The following DEFB114 variants were observed in gnomAD, a reference collection of about 807,000 sequenced individuals.
DEFB114 encodes beta-defensin 114.
In DEFB114, 4 loss-of-function variants were observed where a neutral mutation model predicts 2.4. That is an observed-to-expected ratio of 1.67 (90% CI 0.82 to 3.82). The LOEUF is 3.82. Ranked by LOEUF, DEFB114 falls within the 30% of genes most tolerant of loss-of-function variation. DEFB114 has a pLI of 0.01. For missense variants in DEFB114, 113 were observed against 85.8 expected (o/e 1.32, Z -1.25); for synonymous variants, 35 against 24.6 (o/e 1.42, Z -1.26).
At chr6:49,961,785 T>A (rs1773464789) in intron 1 of DEFB114, among the ~76,000 whole-genome samples, 2 of 150,766 alleles carry the variant, frequency 1.3e-5, no homozygotes, top group Non-Finnish European at 3.0e-5. Context: ...TACTATTCCT[T>A]TCACTCTTTC....
intron 1 of DEFB114, among the ~76,000 whole-genome samples, chr6:49,961,691 TG>T (rs1773463264): frequency 1.3e-5 from 2 of 150,570 alleles, no homozygotes; most frequent in African/African-American, 4.9e-5. Context: ...CAGCTAAGAG[TG>T]TTATTAAACA....
chr6:49,961,949 A>G (rs183009259), intron 1 of DEFB114, among the ~76,000 whole-genome samples: 4 of 150,954 alleles, frequency 2.6e-5, no homozygotes, highest in Admixed American at 1.3e-4. Context: ...TTGTATAACT[A>G]TAATTCTTCC....
intron 1 of DEFB114, among the ~76,000 whole-genome samples, chr6:49,961,391 T>A (rs1304828132): frequency 1.3e-5 from 2 of 150,770 alleles, no homozygotes; most frequent in African/African-American, 4.8e-5. Context: ...TTCTTTTAAA[T>A]GATTAAATAA....
At chr6:49,963,816 A>C (rs1413601155) in intron 1 of DEFB114, among the ~76,000 whole-genome samples, 1 of 149,934 alleles carries the variant, frequency 6.7e-6, no homozygotes, top group East Asian at 1.9e-4. Context: ...CAGTCCAAAA[A>C]AATTGAAAGA....
Position 49,964,054 on chromosome 6 carries a change from G to C in DEFB114, c.52C>G (p.Pro18Ala). ...HFLCYVTFIL[P>A]ATCTLVNADR... ...ATAACAGAGACATCTATCTTACCTG[G>C]TAGAATGAAGGTCACATAACACAGA... Residue 18 changes from proline (P) to alanine (A), a missense_variant, in exon 1 of 2, where the codon CCA becomes GCA. By Grantham distance (27) the Pro-to-Ala change is conservative. Coordinates refer to ENST00000322066, the MANE Select transcript of DEFB114 (RefSeq NM_001037499.2). The C allele has an allele frequency of 1.3e-6, 2 of 1,578,586 alleles. No individual in the cohort carries two copies. Among genetic ancestry groups the C allele is most frequent in the Non-Finnish European group, 1.7e-6 (2 of 1,157,438 alleles).
chr6:49,961,916 G>A (rs9367380), intron 1 of DEFB114, among the ~76,000 whole-genome samples: 55,214 of 150,458 alleles, frequency 0.37, 10,508 homozygotes, highest in East Asian at 0.54. Context: ...TCACAATATT[G>A]TATTTTGAGA....
chr6:49,960,574 A>G, intron 1 of DEFB114, 128 bp from the exon 2 acceptor site: 5 of 923,888 alleles, frequency 5.4e-6, no homozygotes, highest in South Asian at 4.2e-5. Context: ...AAATCCATGT[A>G]TATCTTATAC....
intron 1 of DEFB114, among the ~76,000 whole-genome samples, chr6:49,960,862 T>C (rs1561976842): frequency 6.6e-6 from 1 of 150,922 alleles, no homozygotes; most frequent in African/African-American, 2.4e-5. Context: ...GATATATCCT[T>C]ATGATAGTTG....
chr6:49,960,279 T>G lies in DEFB114; in HGVS notation c.*13A>C, dbSNP rs763145290. 1.9e-6 allele frequency: 3 copies of G among 1,595,454 alleles called. No homozygotes were observed. Among genetic ancestry groups the G allele is most frequent in the Non-Finnish European group, 1.7e-6 (2 of 1,170,310 alleles). On this transcript the variant is annotated 3_prime_UTR_variant, in exon 2 of 2. Coordinates refer to ENST00000322066, the MANE Select transcript of DEFB114 (RefSeq NM_001037499.2). ...CACATGTAACTTCTTTGTTCAGAGGTATGCCTTTCTTTTCAAAACATATCA... is the reference window on the plus strand; with the variant it reads ...CACATGTAACTTCTTTGTTCAGAGGGATGCCTTTCTTTTCAAAACATATCA...
At chr6:49,961,715 G>A (rs1232555181) in intron 1 of DEFB114, among the ~76,000 whole-genome samples, 1 of 150,744 alleles carries the variant, frequency 6.6e-6, no homozygotes, top group Non-Finnish European at 1.5e-5. Flanking sequence ...AAGGACCTAT[G>A]TAAACACTAC....
intron 1 of DEFB114, among the ~76,000 whole-genome samples, chr6:49,962,678 G>A (rs1773482271): frequency 6.7e-6 from 1 of 150,108 alleles, no homozygotes; most frequent in African/African-American, 2.4e-5. Flanking sequence ...ACATTAACTT[G>A]CATGCTTTAT....
rs1330637884 is a variant in DEFB114 at position 49,964,059 on chromosome 6, A to G, written c.47T>C (p.Ile16Thr). The change falls in exon 1 of 2, where the codon ATT (isoleucine) becomes ACT (threonine). Residue 16 changes from isoleucine (I) to threonine (T), a missense_variant. By Grantham distance (89) the Ile-to-Thr change is moderately conservative. Transcript: ENST00000322066. ...YLHFLCYVTFILPATCTLVNA... is the reference protein window; with the variant it reads ...YLHFLCYVTFTLPATCTLVNA... Reference sequence around the variant, plus strand: ...AGAGACATCTATCTTACCTGGTAGAATGAAGGTCACATAACACAGAAAATG... The same window carrying G: ...AGAGACATCTATCTTACCTGGTAGAGTGAAGGTCACATAACACAGAAAATG... The G allele has an allele frequency of 6.3e-7, 1 of 1,585,164 alleles. No homozygotes were observed. Among genetic ancestry groups the G allele is most frequent in the African/African-American group, 1.4e-5 (1 of 73,402 alleles).
At position 49,964,143 on chromosome 6, in the gene DEFB114, A is replaced by C; in HGVS notation, c.-38T>G. ...AGTTGTTGAAAGACTTGATAACAGA[A>C]TATAGAGACTATAGAACTTTCCAAA... On this transcript the variant is annotated 5_prime_UTR_variant, in exon 1 of 2. Coordinates refer to ENST00000322066, the MANE Select transcript of DEFB114 (RefSeq NM_001037499.2). The C allele has an allele frequency of 6.9e-7, 1 of 1,457,454 alleles. No individual in the cohort carries two copies. The highest frequency in any genetic ancestry group is 9.4e-7 in the Non-Finnish European group (1 of 1,060,668). The allele number at this position is 1,457,454 out of a possible 1,614,324, so 90.3% of individuals were successfully genotyped here.
intron 1 of DEFB114, among the ~76,000 whole-genome samples, chr6:49,961,379 A>G (rs1338905418): frequency 6.6e-6 from 1 of 150,608 alleles, no homozygotes; most frequent in African/African-American, 2.4e-5. Context: ...AGCTAACTTC[A>G]TTTCTTTTAA....
intron 1 of DEFB114, 102 bp from the exon 2 acceptor site, chr6:49,960,548 A>G: frequency 8.0e-7 from 1 of 1,250,526 alleles, no homozygotes; most frequent in Non-Finnish European, 1.1e-6. Flanking sequence ...AAGTTTAGAA[A>G]ATACCAAAAA....
In DEFB114 at chr6:49,960,426, C is replaced by G; in HGVS notation, c.76G>C (p.Ala26Pro). The G allele has an allele frequency of 6.2e-7, 1 of 1,602,444 alleles. No individual in the cohort carries two copies. Among genetic ancestry groups the G allele is most frequent in the South Asian group, 1.1e-5 (1 of 89,932 alleles). Residue 26 changes from alanine (A) to proline (P), a missense_variant, in exon 2 of 2, where the codon GCT becomes CCT. Physicochemically the swap from Ala to Pro is conservative, Grantham distance 27. Coordinates refer to ENST00000322066, the MANE Select transcript of DEFB114 (RefSeq NM_001037499.2). ...ILPATCTLVNADRCTKRYGRC... is the reference protein window; with the variant it reads ...ILPATCTLVNPDRCTKRYGRC... ...CCGTAACGTTTGGTGCAACGATCAG[C>G]ATTCACCAAGGTACATGTGGCTACG...
intron 1 of DEFB114, among the ~76,000 whole-genome samples, chr6:49,962,869 T>A (rs1035039205): frequency 6.7e-6 from 1 of 150,230 alleles, no homozygotes; most frequent in Non-Finnish European, 1.5e-5. Context: ...GTTTCTGGGT[T>A]CTCTATTCTC....
At chr6:49,961,033 T>A (rs1773450609) in intron 1 of DEFB114, among the ~76,000 whole-genome samples, 1 of 150,934 alleles carries the variant, frequency 6.6e-6, no homozygotes, top group African/African-American at 2.4e-5. Context: ...TGGAATTTTT[T>A]AAAATTAATA....
intron 1 of DEFB114, among the ~76,000 whole-genome samples, chr6:49,962,064 T>C (rs910762642): frequency 6.6e-6 from 1 of 150,460 alleles, no homozygotes; most frequent in Non-Finnish European, 1.5e-5. Context: ...CTTTTGTACT[T>C]GACTCTTGGG....
Sources: gnomAD v4.1 joint callset for allele counts (sites outside exome capture counted in the v4.1 genomes callset) on GRCh38, gnomAD v4.1.1 for gene constraint, MANE v1.5 for transcripts, NCBI Gene and HGNC (gene_info 2026-07-23, HGNC 2026-07-21) for gene names.